The following NUP85 variants were observed in gnomAD, a reference collection of about 807,000 sequenced individuals.
The protein encoded by NUP85 is nuclear pore complex protein Nup85.
Under a neutral mutation model 92.8 loss-of-function variants are expected in NUP85, and 23 were observed. That is an observed-to-expected ratio of 0.25 (90% confidence interval 0.18 to 0.35). The LOEUF is 0.35. NUP85 is among the 10% of genes least tolerant of loss of function. NUP85 has a pLI of 1.00. For synonymous variants in NUP85, 314 were observed against 306.9 expected, an observed-to-expected ratio of 1.02 and a Z score of -0.24; for missense variants, 759 against 822.8, an observed-to-expected ratio of 0.92 and a Z score of 0.95.
At chr17:75,229,136 CAA>C in intron 11 of NUP85, 1 of 985,452 alleles carries the variant, frequency 1.0e-6, no homozygotes. Flanking sequence ...TAAAAGGTGA[CAA>C]GTCTTCCTTC....
chr17:75,219,929 T>C (rs984351407), intron 7 of NUP85, among the ~76,000 whole-genome samples: 1 of 151,572 alleles, frequency 6.6e-6, no homozygotes, highest in African/African-American at 2.4e-5. Context: ...GGCTGTGCTA[T>C]GTAGGGGTAG....
chr17:75,205,921 C>A, intron 1 of NUP85, 127 bp downstream of exon 1: 1 of 1,112,612 alleles, frequency 9.0e-7, no homozygotes, highest in Non-Finnish European at 1.3e-6. Flanking sequence ...ACTCAGTTGC[C>A]ACTTTTCCGG....
chr17:75,228,182 A>C (rs1363346907), intron 11 of NUP85: 2 of 985,066 alleles, frequency 2.0e-6, no homozygotes. Flanking sequence ...AACAGATTTG[A>C]GCAGAAGAAG....
chr17:75,233,227 C>T (rs891840911), intron 16 of NUP85, 69 bp downstream of exon 16: 38 of 1,232,240 alleles, frequency 3.1e-5, no homozygotes, highest in South Asian at 3.7e-5. Flanking sequence ...GGAGGGATCA[C>T]GTCAGACTTC....
At chr17:75,215,043 C>T (rs187986600) in intron 5 of NUP85, among the ~76,000 whole-genome samples, 42 of 151,620 alleles carry the variant, frequency 2.8e-4, no homozygotes, top group African/African-American at 9.4e-4. Context: ...TGGTGGCAGG[C>T]GCCTGTAATC....
chr17:75,232,227 T>A (rs1306228485), intron 14 of NUP85: 4 of 497,410 alleles, frequency 8.0e-6, no homozygotes, highest in Non-Finnish European at 1.5e-5. Flanking sequence ...GCCCCTTTTC[T>A]CACACACTTG....
chr17:75,233,265 T>C, intron 16 of NUP85, 107 bp downstream of exon 16: 2 of 847,818 alleles, frequency 2.4e-6, no homozygotes, highest in South Asian at 3.1e-5. Context: ...TGTATTCCCA[T>C]TGCATCAGTG....
chr17:75,205,741 A>G lies in NUP85; in HGVS notation c.-21A>G, dbSNP rs201941477. On this transcript the variant is annotated 5_prime_UTR_variant, in exon 1 of 19. Transcript: ENST00000245544. Reference sequence around the variant, plus strand: ...AAGCATTGGCGTCCGAGCGACTTCTAGGAGCCTGGGGTTCGGCGCTATGGA... The same window carrying G: ...AAGCATTGGCGTCCGAGCGACTTCTGGGAGCCTGGGGTTCGGCGCTATGGA... 33 of 1,614,114 alleles carry G rather than the reference A, an allele frequency of 2.0e-5. No homozygotes were observed. Among genetic ancestry groups the G allele is most frequent in the Non-Finnish European group, 2.7e-5 (32 of 1,180,000 alleles).
chr17:75,212,482 T>G (rs1333280840), intron 4 of NUP85, among the ~76,000 whole-genome samples: 2 of 143,144 alleles, frequency 1.4e-5, no homozygotes, highest in Non-Finnish European at 3.0e-5. Flanking sequence ...TTTTTTTTTT[T>G]TTTTTTTTTT....
At chr17:75,231,000 C>T (rs1304259785) in intron 11 of NUP85, 4 of 278,336 alleles carry the variant, frequency 1.4e-5, no homozygotes, top group Admixed American at 4.9e-5. Context: ...GGCGTGATCT[C>T]GGCCGATTGC....
chr17:75,220,820 T>C (rs1243697360), intron 7 of NUP85, among the ~76,000 whole-genome samples: 2 of 151,596 alleles, frequency 1.3e-5, no homozygotes, highest in East Asian at 3.9e-4. Flanking sequence ...TTGGTCAGGC[T>C]GGTCTTGAAC....
chr17:75,226,069 C>G lies in NUP85; in HGVS notation c.1006C>G (p.Leu336Val). The G allele has an allele frequency of 1.9e-6, 3 of 1,614,170 alleles. No homozygotes were observed. The highest frequency in any genetic ancestry group is 2.5e-6 in the Non-Finnish European group (3 of 1,180,030). Residue 336 changes from leucine (L) to valine (V), a missense_variant, in exon 11 of 19, where the codon CTG (leucine) becomes GTG (valine). Physicochemically the swap from Leu to Val is conservative, Grantham distance 32 (BLOSUM62 1). Coordinates refer to ENST00000245544, the MANE Select transcript of NUP85 (RefSeq NM_024844.5). ...YYAQSSLDLF[L>V]GGESSPEPLD... ...TCCACAGTCCAGCCTGGACCTGTTT[C>G]TGGGAGGTGAGAGCAGCCCAGAACC...
At chr17:75,234,391 T>C (rs928824080) in intron 16 of NUP85, among the ~76,000 whole-genome samples, 11 of 152,184 alleles carry the variant, frequency 7.2e-5, no homozygotes, top group South Asian at 2.1e-4. Flanking sequence ...ACTCTTGTTA[T>C]GTATTTTGAC....
chr17:75,218,294 CT>C lies in NUP85; in HGVS notation c.587del (p.Phe196SerfsTer5), dbSNP rs1430314868. 1 of 1,613,406 alleles carries C rather than the reference CT, an allele frequency of 6.2e-7. No individual in the cohort carries two copies. The highest frequency in any genetic ancestry group is 8.5e-7 in the Non-Finnish European group (1 of 1,179,656). On this transcript the variant is annotated frameshift_variant, in exon 7 of 19. Transcript: ENST00000245544. LOFTEE classifies it high-confidence loss of function. ...GTGAGAATCCAAGCAAACATGACAG[CT>C]TCTGGAACTTGGTAAGACAGGCCGG... ...GSENPSKHDS[F>X]WNLVTILVLQ... is the part of the protein sequence containing the mutation.
chr17:75,212,263 T>TG (rs2075297304), intron 4 of NUP85, among the ~76,000 whole-genome samples: 1 of 39,986 alleles, frequency 2.5e-5, no homozygotes, highest in Admixed American at 3.7e-4. Flanking sequence ...TTTTTTTTTT[T>TG]TTTTTTTTTT....
intron 7 of NUP85, among the ~76,000 whole-genome samples, chr17:75,222,640 C>T (rs542118736): frequency 6.6e-6 from 1 of 151,628 alleles, no homozygotes; most frequent in African/African-American, 2.4e-5. Flanking sequence ...CTGCAAGCCT[C>T]TGGTCATATT....
At chr17:75,210,172 A>G (rs1403206796) in intron 3 of NUP85, among the ~76,000 whole-genome samples, 187 bp downstream of exon 3, 1 of 152,182 alleles carries the variant, frequency 6.6e-6, no homozygotes, top group Non-Finnish European at 1.5e-5. Flanking sequence ...GGAATATGCA[A>G]ATGCTATTGA....
At chr17:75,227,026 C>T in intron 11 of NUP85, 1 of 222,176 alleles carries the variant, frequency 4.5e-6, no homozygotes, top group Non-Finnish European at 9.2e-6. Context: ...GTAAACCTTT[C>T]CAGAACTCTC....
In NUP85 at chr17:75,225,206, G is replaced by T. The variant is rs1411074645; in HGVS notation, c.701G>T (p.Gly234Val). 6.2e-7 allele frequency: 1 copy of T among 1,609,138 alleles called. No homozygotes were observed. Reference sequence around the variant, plus strand: ...TCTGCAGGCATATGCCGAATCATGGGGGACCTGATGAGGACAATGCCCATT... The same window carrying T: ...TCTGCAGGCATATGCCGAATCATGGTGGACCTGATGAGGACAATGCCCATT... ...PASAGICRIMGDLMRTMPILS... is the reference protein window; with the variant it reads ...PASAGICRIMVDLMRTMPILS... Residue 234 changes from glycine to valine, a missense_variant, in exon 8 of 19, where the codon GGG becomes GTG. By Grantham distance (109) the Gly-to-Val change is moderately radical. Transcript: ENST00000245544.
Sources: gnomAD v4.1 joint callset for allele counts (sites outside exome capture counted in the v4.1 genomes callset) on GRCh38, gnomAD v4.1.1 for gene constraint, MANE v1.5 for transcripts, NCBI Gene and HGNC (gene_info 2026-07-23, HGNC 2026-07-21) for gene names.